WDFY3: variants seen among roughly 807,000 people sequenced by gnomAD.
WDFY3 encodes WD repeat and FYVE domain containing 3, also known as WD repeat and FYVE domain-containing protein 3.
Under a neutral mutation model 409.6 loss-of-function variants are expected in WDFY3, and 66 were observed. That is an observed-to-expected ratio of 0.16 (90% CI 0.13 to 0.20). The LOEUF is 0.20. Among genes scored for constraint, WDFY3 ranks in the 10% least tolerant of loss-of-function variants. WDFY3 has a pLI of 1.00. For missense variants in WDFY3, 3,031 were observed against 4,298.1 expected (o/e 0.71, Z 8.24); for synonymous variants, 1,521 against 1,537.1 (o/e 0.99, Z 0.25).
At chr4:84,684,222 C>G in intron 62 of WDFY3, 97 bp from the exon 63 acceptor site, 2 of 1,245,442 alleles carry the variant, frequency 1.6e-6, no homozygotes, top group South Asian at 1.9e-5. Flanking sequence ...TCTCAGAAAG[C>G]CTTTCAGTCC....
At chr4:84,784,889 T>TACAC (rs1441669534) in intron 24 of WDFY3, among the ~76,000 whole-genome samples, 163 of 52,060 alleles carry the variant, frequency 3.1e-3, no homozygotes, top group African/African-American at 0.01. Context: ...TATATATATA[T>TACAC]ATACACACAC....
At chr4:84,926,817 C>A (rs528148168) in intron 2 of WDFY3, among the ~76,000 whole-genome samples, 6 of 152,242 alleles carry the variant, frequency 3.9e-5, no homozygotes, top group Non-Finnish European at 8.8e-5. Context: ...ATTCAACAGA[C>A]CTTCCCCTCT....
At chr4:84,841,978 T>C (rs926737157) in intron 5 of WDFY3, among the ~76,000 whole-genome samples, 1 of 151,964 alleles carries the variant, frequency 6.6e-6, no homozygotes, top group Middle Eastern at 3.4e-3. Flanking sequence ...TAGCTCAGAG[T>C]AGGAAGAGAG....
intron 7 of WDFY3, among the ~76,000 whole-genome samples, chr4:84,835,360 G>A (rs1756426690): frequency 6.6e-6 from 1 of 152,098 alleles, no homozygotes; most frequent in African/African-American, 2.4e-5. Context: ...ATTCCTATGC[G>A]ATTTACTCCT....
chr4:84,806,850 T>C (rs566263288), intron 15 of WDFY3, among the ~76,000 whole-genome samples: 1 of 152,156 alleles, frequency 6.6e-6, no homozygotes, highest in Non-Finnish European at 1.5e-5. Context: ...CCTCAGGCAA[T>C]CCACCCGCCT....
At chr4:84,676,538 TAGA>T (rs1335874991) in intron 67 of WDFY3, among the ~76,000 whole-genome samples, 2 of 151,950 alleles carry the variant, frequency 1.3e-5, no homozygotes, top group Non-Finnish European at 2.9e-5. Flanking sequence ...GCTTGTGTAT[TAGA>T]AGGGCATTTA....
chr4:84,904,532 CA>C (rs1338233751), intron 2 of WDFY3, among the ~76,000 whole-genome samples: 1 of 151,978 alleles, frequency 6.6e-6, no homozygotes, highest in Admixed American at 6.5e-5. Context: ...CCATTACTGC[CA>C]AAAATTTTTA....
intron 2 of WDFY3, among the ~76,000 whole-genome samples, chr4:84,914,486 A>G (rs1213580027): frequency 6.6e-6 from 1 of 152,186 alleles, no homozygotes; most frequent in African/African-American, 2.4e-5. Flanking sequence ...TGGGAGAGTC[A>G]AAAGTTATAC....
At position 84,821,469 on chromosome 4, in the gene WDFY3, G is replaced by A. The variant is rs754075163; in HGVS notation, c.1206C>T (p.Ile402=). ...AAATATTTGTGATAGCATCAAGGAT[G>A]ATTTGGGCAAGGAAGCTGGTTTTTG... The part of the protein sequence containing the change: ...LKAKTSFLAQ[I]ILDAITNIYM... Residue 402 remains isoleucine, a synonymous_variant, in exon 11 of 68, where the codon ATC becomes ATT. Transcript: ENST00000295888. 1 of 1,613,742 alleles carries A rather than the reference G, an allele frequency of 6.2e-7. No individual in the cohort carries two copies. Among genetic ancestry groups the A allele is most frequent in the Non-Finnish European group, 8.5e-7 (1 of 1,179,850 alleles).
chr4:84,719,772 C>CA (rs1418971825), intron 47 of WDFY3, among the ~76,000 whole-genome samples: 1 of 152,020 alleles, frequency 6.6e-6, no homozygotes, highest in Non-Finnish European at 1.5e-5. Flanking sequence ...TTTGTGTGAC[C>CA]AGCATCCAGA....
chr4:84,830,938 C>T (rs1179160490), intron 8 of WDFY3, among the ~76,000 whole-genome samples: 1 of 152,028 alleles, frequency 6.6e-6, no homozygotes, highest in Non-Finnish European at 1.5e-5. Flanking sequence ...CCTGTAATCC[C>T]AGCACTTTGG....
At chr4:84,878,569 T>A (rs187829480) in intron 3 of WDFY3, among the ~76,000 whole-genome samples, 2 of 152,354 alleles carry the variant, frequency 1.3e-5, no homozygotes, top group African/African-American at 4.8e-5. Context: ...TATCAAAATT[T>A]ATACATCCAA....
At chr4:84,811,806 GTGTT>G (rs1008070030) in intron 13 of WDFY3, among the ~76,000 whole-genome samples, 3 of 152,100 alleles carry the variant, frequency 2.0e-5, no homozygotes, top group Non-Finnish European at 4.4e-5. Flanking sequence ...ATTATTTAAA[GTGTT>G]TGGCACCAGA....
rs181129717 is a variant in WDFY3 at position 84,739,175 on chromosome 4, C to G, written c.6465-56G>C. ...GAAGGAAATGATTAGCTGAAGACTA[C>G]AGTAACTAAGAATTACTCTATTTCC... is the stretch of plus-strand genomic sequence containing the variant. On this transcript the variant is annotated intron_variant, in intron 39 of 67. Transcript: ENST00000295888. The G allele has an allele frequency of 1.1e-3, 1,661 of 1,520,940 alleles. 30 individuals are homozygous for G. Among genetic ancestry groups the G allele is most frequent in the Non-Finnish European group, 8.0e-5 (88 of 1,096,912 alleles). The allele number at this position is 1,520,940 out of a possible 1,614,324, so 94.2% of individuals were successfully genotyped here.
intron 56 of WDFY3, among the ~76,000 whole-genome samples, chr4:84,700,204 T>A (rs1326555032): frequency 3.3e-5 from 5 of 152,150 alleles, no homozygotes; most frequent in African/African-American, 7.2e-5. Context: ...CAAACAGTGT[T>A]TTGTCTTGTT....
intron 2 of WDFY3, among the ~76,000 whole-genome samples, chr4:84,928,478 C>T (rs188771415): frequency 3.9e-5 from 6 of 152,190 alleles, no homozygotes; most frequent in African/African-American, 1.4e-4. Context: ...TATATTCAAT[C>T]GATAGCCTGT....
chr4:84,816,981 A>G (rs1753390527), intron 13 of WDFY3, among the ~76,000 whole-genome samples: 1 of 152,154 alleles, frequency 6.6e-6, no homozygotes, highest in Non-Finnish European at 1.5e-5. Context: ...ATATTGTTTG[A>G]TATCTACTAG....
At chr4:84,839,673 C>T (rs1257517791) in intron 6 of WDFY3, among the ~76,000 whole-genome samples, 1 of 151,942 alleles carries the variant, frequency 6.6e-6, no homozygotes, top group Non-Finnish European at 1.5e-5. Flanking sequence ...GCCTGGCCAA[C>T]ATGGTGAAAC....
chr4:84,863,303 G>A (rs1046535461), intron 3 of WDFY3, among the ~76,000 whole-genome samples: 2 of 152,124 alleles, frequency 1.3e-5, no homozygotes, highest in Non-Finnish European at 2.9e-5. Flanking sequence ...TCTCTAAACT[G>A]TTTTCTAAGG....
Sources: gnomAD v4.1 joint callset for allele counts (sites outside exome capture counted in the v4.1 genomes callset) on GRCh38, gnomAD v4.1.1 for gene constraint, MANE v1.5 for transcripts, NCBI Gene and HGNC (gene_info 2026-07-23, HGNC 2026-07-21) for gene names.